The following OASL variants were observed in gnomAD, a reference collection of about 807,000 sequenced individuals.
OASL encodes the protein 2'-5'-oligoadenylate synthase-like protein.
In OASL, 28 loss-of-function variants were observed where a neutral mutation model predicts 35.3. The observed-to-expected ratio is 0.79, with a 90% CI of 0.59 to 1.09. The LOEUF (loss-of-function observed/expected upper bound fraction) is 1.09. OASL is among the 50% of genes least tolerant of loss of function. The pLI, the probability that OASL is intolerant of heterozygous loss-of-function variation, is 0.00. For missense variants in OASL, 620 were observed against 635.2 expected, an observed-to-expected ratio of 0.98 and a Z score of 0.26; for synonymous variants, 252 against 254.6, an observed-to-expected ratio of 0.99 and a Z score of 0.10.
intron 3 of OASL, among the ~76,000 whole-genome samples, chr12:121,030,064 G>A (rs1468340277): frequency 1.3e-5 from 2 of 151,934 alleles, no homozygotes; most frequent in East Asian, 1.9e-4. Flanking sequence ...TTGTAGAGAC[G>A]GGGTTTCACT....
intron 4 of OASL, among the ~76,000 whole-genome samples, 163 bp from the exon 5 acceptor site, chr12:121,024,300 A>T (rs750201918): frequency 2.0e-5 from 3 of 152,166 alleles, no homozygotes; most frequent in Non-Finnish European, 4.4e-5. Context: ...GAGTAACAGG[A>T]TGGAGACAAT....
At chr12:121,020,814 G>A (rs1357391804) in exon 6 of OASL, 1 of 1,614,078 alleles carries the variant, frequency 6.2e-7, no homozygotes, top group East Asian at 2.2e-5. Context: ...GATCTCGGAG[G>A]GGATGGTCTC....
At chr12:121,017,904 G>A (rs530231431), downstream of OASL, among the ~76,000 whole-genome samples, 130 of 152,322 alleles carry the variant, frequency 8.5e-4, no homozygotes, top group Admixed American at 1.7e-3. Context: ...AACAAGTACC[G>A]TTGATCACAG....
At chr12:121,020,432 G>T in exon 6 of OASL, 2 of 1,011,570 alleles carry the variant, frequency 2.0e-6, no homozygotes, top group Non-Finnish European at 2.9e-6. Context: ...ACCACGTCTG[G>T]CCTGGGATAA....
chr12:121,027,085 T>A (rs78120268), intron 4 of OASL, among the ~76,000 whole-genome samples: 1 of 152,276 alleles, frequency 6.6e-6, no homozygotes, highest in East Asian at 1.9e-4. Context: ...TGCTCCAATA[T>A]AAGCATTTAC....
At chr12:121,038,961 A>T in exon 1 of OASL, 2 of 1,614,078 alleles carry the variant, frequency 1.2e-6, no homozygotes, top group Non-Finnish European at 1.7e-6. Flanking sequence ...CAGTTCCTGC[A>T]TCAGTGCCAT....
chr12:121,033,785 T>C (rs1869846581), intron 1 of OASL, 42 bp from the exon 2 acceptor site: 1 of 1,593,694 alleles, frequency 6.3e-7, no homozygotes, highest in Non-Finnish European at 8.5e-7. Context: ...CCCACTGCCA[T>C]GAGCCAGGCA....
At chr12:121,029,017 A>T (rs1437437312) in intron 3 of OASL, among the ~76,000 whole-genome samples, 1 of 150,134 alleles carries the variant, frequency 6.7e-6, no homozygotes, top group Non-Finnish European at 1.5e-5. Flanking sequence ...GTGAACCAAG[A>T]TCATGCCACT....
chr12:121,033,543 G>T (rs760031887), exon 2 of OASL: 2 of 1,613,940 alleles, frequency 1.2e-6, no homozygotes, highest in Non-Finnish European at 1.7e-6. Context: ...CGAGAGCATC[G>T]GGGACTCTCT....
At chr12:121,035,464 G>T (rs1284574694) in intron 1 of OASL, among the ~76,000 whole-genome samples, 1 of 152,070 alleles carries the variant, frequency 6.6e-6, no homozygotes, top group Non-Finnish European at 1.5e-5. Flanking sequence ...GGCAGAGGTT[G>T]TGGTGAGCTG....
chr12:121,024,545 G>C (rs978946253), intron 4 of OASL, among the ~76,000 whole-genome samples: 7 of 152,088 alleles, frequency 4.6e-5, no homozygotes, highest in African/African-American at 1.4e-4. Context: ...TTGAACCCAG[G>C]AGGTGGAGGT....
rs538929254 is a variant in OASL, at chr12:121,031,833, A to G, written c.482-216T>C. The stretch of plus-strand genomic sequence containing the variant: ...CAACATTGGGCTTTCCATGCATCAG[A>G]CCCCTCCCTGGATGTCCTCAATGTC... On this transcript the variant is annotated intron_variant, in intron 2 of 5. Coordinates refer to ENST00000257570, the Ensembl canonical transcript of OASL. Among the ~76,000 whole-genome samples the G allele has an allele frequency of 2.0e-5, 3 of 151,850 alleles. No individual in the cohort carries two copies. The South Asian group carries it at 6.3e-4, about 32-fold the overall frequency.
chr12:121,024,719 GC>G (rs1229672539), intron 4 of OASL, among the ~76,000 whole-genome samples: 2 of 152,080 alleles, frequency 1.3e-5, no homozygotes, highest in Admixed American at 1.3e-4. Context: ...AATAACAGAT[GC>G]CCTTTCAGGC....
exon 1 of OASL, chr12:121,038,920 A>G (rs1870070939): frequency 1.2e-6 from 2 of 1,614,186 alleles, no homozygotes; most frequent in Non-Finnish European, 1.7e-6. Flanking sequence ...TGAGCCACGA[A>G]GGAGTCCAGC....
chr12:121,024,275 C>CA, intron 4 of OASL, 138 bp from the exon 5 acceptor site: 1 of 833,196 alleles, frequency 1.2e-6, no homozygotes. Flanking sequence ...AAGAGGGCCC[C>CA]AAAACACCGC....
At chr12:121,027,894 A>C in intron 3 of OASL, 77 bp from the exon 4 acceptor site, 1 of 1,289,094 alleles carries the variant, frequency 7.8e-7, no homozygotes, top group Non-Finnish European at 1.1e-6. Flanking sequence ...CCAGAAGCTG[A>C]GAAATCCAAG....
chr12:121,033,793 G>T, intron 1 of OASL, 50 bp from the exon 2 acceptor site: 1 of 1,583,438 alleles, frequency 6.3e-7, no homozygotes. Context: ...CATGAGCCAG[G>T]CAACCCCTGC....
chr12:121,030,268 G>T (rs188935071), intron 3 of OASL, among the ~76,000 whole-genome samples: 1 of 152,010 alleles, frequency 6.6e-6, no homozygotes. Flanking sequence ...ACAGTGGCGC[G>T]ATCTCGGCTC....
chr12:121,024,310 T>A (rs1869389754), intron 4 of OASL, among the ~76,000 whole-genome samples, 173 bp from the exon 5 acceptor site: 1 of 152,058 alleles, frequency 6.6e-6, no homozygotes, highest in African/African-American at 2.4e-5. Context: ...ATGGAGACAA[T>A]GCTATTTCCA....
Sources: gnomAD v4.1 joint callset for allele counts (sites outside exome capture counted in the v4.1 genomes callset) on GRCh38, gnomAD v4.1.1 for gene constraint, MANE v1.5 for transcripts, NCBI Gene and HGNC (gene_info 2026-07-23, HGNC 2026-07-21) for gene names.